Variants in BRAF observed in about 807,000 individuals in gnomAD.
The protein encoded by BRAF is serine/threonine-protein kinase B-raf.
Under a neutral mutation model 104.6 loss-of-function variants are expected in BRAF, and 16 were observed. That is an observed-to-expected ratio of 0.15 (90% CI 0.10 to 0.23). BRAF has a LOEUF of 0.23. Among genes scored for constraint, BRAF ranks in the 10% least tolerant of loss-of-function variants. The probability of loss-of-function intolerance (pLI) is 1.00; values close to 1 mark genes in which losing one functional copy is unlikely to be tolerated. For missense variants in BRAF, 541 were observed against 937.3 expected (o/e 0.58, Z 5.52); for synonymous variants, 310 against 341.6 (o/e 0.91, Z 1.02).
chr7:140,870,709 G>A (rs1811480538), intron 1 of BRAF, among the ~76,000 whole-genome samples: 1 of 150,678 alleles, frequency 6.6e-6, no homozygotes, highest in South Asian at 2.1e-4. Context: ...TAAAGCAAAA[G>A]AGGAAACGGA....
intron 1 of BRAF, among the ~76,000 whole-genome samples, chr7:140,918,182 T>C (rs1563037783): frequency 6.6e-6 from 1 of 152,186 alleles, no homozygotes; most frequent in Non-Finnish European, 1.5e-5. Flanking sequence ...GTAAAGCAGA[T>C]AAATGAAGAA....
Position 140,781,469 on chromosome 7 carries a change from T to C in BRAF, c.1552+107A>G, listed in dbSNP as rs561183588. Reference sequence around the variant, plus strand: ...TCCTGAAACTAATCAAAATAGTTTATTGATGCGAACAGTGAATATTTCCTT... The same window carrying C: ...TCCTGAAACTAATCAAAATAGTTTACTGATGCGAACAGTGAATATTTCCTT... On this transcript the variant is annotated intron_variant, in intron 12 of 19. Coordinates refer to ENST00000644969, the MANE Select transcript of BRAF (RefSeq NM_001374258.1). 122 of 1,109,126 alleles carry C rather than the reference T, an allele frequency of 1.1e-4. No homozygotes were observed. In the African/African-American group the frequency reaches 1.7e-3, roughly 15 times the overall value. The allele number at this position is 1,109,126 out of a possible 1,614,324, so 68.7% of individuals were successfully genotyped here.
chr7:140,863,736 C>A (rs13225305), intron 1 of BRAF, among the ~76,000 whole-genome samples: 1 of 152,106 alleles, frequency 6.6e-6, no homozygotes, highest in Non-Finnish European at 1.5e-5. Flanking sequence ...TGTAGCACCT[C>A]CCCCTACCCC....
At position 140,883,792 on chromosome 7, in the gene BRAF, G is replaced by A. The variant is rs991230494; in HGVS notation, c.139-33580C>T. On this transcript the variant is annotated intron_variant, in intron 1 of 19. Transcript: ENST00000644969. ...AAAATAAAAAGAATTACCATTTTAT[G>A]GATTGTCTCTGTTCTGGTCACTTAT... is the stretch of plus-strand genomic sequence containing the variant. 3.3e-5 allele frequency among the ~76,000 whole-genome samples: 5 copies of A among 152,254 alleles called. No homozygotes were observed. The East Asian group carries it at 7.7e-4, about 23-fold the overall frequency.
chr7:140,760,793 T>C (rs965353647), intron 14 of BRAF, among the ~76,000 whole-genome samples: 3 of 151,668 alleles, frequency 2.0e-5, no homozygotes, highest in African/African-American at 2.4e-5. Context: ...GTATCAGTGA[T>C]GGAAGATGAA....
At chr7:140,850,512 G>C (rs1166576542) in intron 1 of BRAF, among the ~76,000 whole-genome samples, 1 of 152,052 alleles carries the variant, frequency 6.6e-6, no homozygotes, top group Non-Finnish European at 1.5e-5. Context: ...AAAAGGTTAA[G>C]TTCTGTTTAT....
intron 12 of BRAF, 61 bp downstream of exon 11, chr7:140,781,515 T>C (rs2129023285): frequency 7.0e-7 from 1 of 1,426,828 alleles, no homozygotes; most frequent in East Asian, 2.3e-5. Context: ...TTTTACAAAA[T>C]AAAAGTTGTT....
chr7:140,820,285 A>G (rs1448011334), intron 3 of BRAF, among the ~76,000 whole-genome samples: 2 of 152,210 alleles, frequency 1.3e-5, no homozygotes, highest in East Asian at 1.9e-4. Flanking sequence ...ATCTTTTCTG[A>G]TATTAAGTTA....
chr7:140,796,379 A>G (rs1158423983), intron 7 of BRAF, among the ~76,000 whole-genome samples: 1 of 152,032 alleles, frequency 6.6e-6, no homozygotes, highest in Non-Finnish European at 1.5e-5. Flanking sequence ...TAAAATTGGA[A>G]AAAGTATGAA....
Position 140,734,796 on chromosome 7 carries a change from A to AG in BRAF, c.2248-27dup, listed in dbSNP as rs772783311. The AG allele has an allele frequency of 2.3e-5, 27 of 1,175,158 alleles. No homozygotes were observed. The African/African-American group carries it at 3.7e-4, about 16-fold the overall frequency. 72.8% of individuals were successfully genotyped at this position (1,175,158 alleles called of 1,614,324 possible). ...CTACAAAAAAAAAAAGAAAAAAAAA[A>AG]GAAAAAAAAAGAAAAAAGAAAAAAA... On this transcript the variant is annotated intron_variant, in intron 18 of 19. Transcript: ENST00000644969.
chr7:140,886,498 A>G (rs935695085), intron 1 of BRAF, among the ~76,000 whole-genome samples: 3 of 152,196 alleles, frequency 2.0e-5, no homozygotes, highest in African/African-American at 7.2e-5. Context: ...ATCAGGCACT[A>G]TTCATTCTAT....
intron 1 of BRAF, among the ~76,000 whole-genome samples, chr7:140,906,790 C>T (rs1441927955): frequency 6.6e-6 from 1 of 152,182 alleles, no homozygotes; most frequent in African/African-American, 2.4e-5. Flanking sequence ...AACCATCAGT[C>T]CATAGTTGCT....
intron 1 of BRAF, among the ~76,000 whole-genome samples, chr7:140,890,049 CTT>C (rs1174913739): frequency 6.6e-6 from 1 of 152,188 alleles, no homozygotes; most frequent in Non-Finnish European, 1.5e-5. Context: ...AGAGTACAGA[CTT>C]TAAGAATTCC....
chr7:140,722,445 T>C lies in BRAF; in HGVS notation c.*4049A>G, dbSNP rs1291025176. On this transcript the variant is annotated 3_prime_UTR_variant, in exon 20 of 20. Coordinates refer to ENST00000644969, the MANE Select transcript of BRAF (RefSeq NM_001374258.1). ...CATCATGAAGGCACAGTAAGATCATTTGGCAAATTGTCAAGGTATTTTTCT... is the reference window on the plus strand; with the variant it reads ...CATCATGAAGGCACAGTAAGATCATCTGGCAAATTGTCAAGGTATTTTTCT... The C allele has an allele frequency of 3.3e-5, 35 of 1,055,088 alleles. No homozygotes were observed. Among genetic ancestry groups the C allele is most frequent in the African/African-American group, 5.0e-5 (3 of 60,560 alleles). 65.4% of individuals were successfully genotyped at this position (1,055,088 alleles called of 1,614,324 possible). A position where few individuals can be genotyped will look rare whatever the true frequency, so the allele number is the denominator to read the frequency against.
chr7:140,740,109 T>C (rs983867744), intron 17 of BRAF, 163 bp from the exon 17 acceptor site: 2 of 712,278 alleles, frequency 2.8e-6, no homozygotes, highest in Non-Finnish European at 4.5e-6. Flanking sequence ...TCATAGATGG[T>C]GGGAAACCCA....
intron 1 of BRAF, among the ~76,000 whole-genome samples, chr7:140,895,672 A>C (rs753006465): frequency 6.6e-6 from 1 of 152,208 alleles, no homozygotes; most frequent in Non-Finnish European, 1.5e-5. Flanking sequence ...GAGTGAGAAC[A>C]TGCAGGGTTT....
At position 140,723,621 on chromosome 7, in the gene BRAF, A is replaced by G. The variant is rs559870227; in HGVS notation, c.*2873T>C. The G allele has an allele frequency of 3.1e-4, 330 of 1,049,948 alleles. 2 individuals carry two copies. In the African/African-American group the frequency reaches 4.8e-3, roughly 15 times the overall value. 65.0% of individuals were successfully genotyped at this position (1,049,948 alleles called of 1,614,324 possible). ...AAAGTCTAGGTCCTTGACTCTAACG[A>G]TGAAAAAAGTCCATCAGGAATACTA... is the stretch of plus-strand genomic sequence containing the variant. On this transcript the variant is annotated 3_prime_UTR_variant, in exon 20 of 20. Transcript: ENST00000644969.
At chr7:140,782,180 A>G (rs1013391583) in intron 11 of BRAF, among the ~76,000 whole-genome samples, 3 of 152,158 alleles carry the variant, frequency 2.0e-5, no homozygotes, top group Non-Finnish European at 4.4e-5. Flanking sequence ...TGTCCTTGTG[A>G]TACTTTGCTC....
At chr7:140,772,439 T>C (rs1193127895) in intron 14 of BRAF, among the ~76,000 whole-genome samples, 3 of 151,756 alleles carry the variant, frequency 2.0e-5, no homozygotes, top group African/African-American at 7.3e-5. Flanking sequence ...CTGGGTGACA[T>C]GGCGAAACTC....
Sources: gnomAD v4.1 joint callset for allele counts (sites outside exome capture counted in the v4.1 genomes callset) on GRCh38, gnomAD v4.1.1 for gene constraint, MANE v1.5 for transcripts, NCBI Gene and HGNC (gene_info 2026-07-23, HGNC 2026-07-21) for gene names.